The following SDK2 variants were observed in gnomAD, a reference collection of about 807,000 sequenced individuals.
The protein encoded by SDK2 is protein sidekick-2.
SDK2 carries 105 observed loss-of-function variants against 253.9 expected under a neutral mutation model. The observed-to-expected ratio is 0.41, with a 90% CI of 0.35 to 0.49. The LOEUF is 0.49. Among genes scored for constraint, SDK2 ranks in the 20% least tolerant of loss-of-function variants. The pLI is 0.06. For synonymous variants in SDK2, 1,249 were observed against 1,234.9 expected (o/e 1.01, Z -0.24); for missense variants, 2,608 against 3,003.0 (o/e 0.87, Z 3.07).
chr17:73,380,717 C>T (rs759165181), intron 34 of SDK2, among the ~76,000 whole-genome samples, 177 bp downstream of exon 34: 4 of 152,230 alleles, frequency 2.6e-5, no homozygotes, highest in African/African-American at 7.2e-5. Context: ...TCCCTGTCAT[C>T]GGCCTACTTT....
At chr17:73,594,314 C>T (rs1010512773) in intron 1 of SDK2, among the ~76,000 whole-genome samples, 13 of 152,108 alleles carry the variant, frequency 8.5e-5, no homozygotes, top group African/African-American at 3.1e-4. Flanking sequence ...CAGCTGAGGG[C>T]CTGAGTCTCA....
intron 1 of SDK2, among the ~76,000 whole-genome samples, chr17:73,572,718 A>T (rs2045404377): frequency 6.6e-6 from 1 of 152,172 alleles, no homozygotes; most frequent in South Asian, 2.1e-4. Context: ...GAATGGTCTA[A>T]GCATATGATG....
intron 36 of SDK2, among the ~76,000 whole-genome samples, chr17:73,368,931 G>A (rs1264359229): frequency 1.3e-5 from 2 of 151,310 alleles, no homozygotes; most frequent in African/African-American, 4.9e-5. Flanking sequence ...AAAATCACTT[G>A]AACCTGGGAG....
chr17:73,505,723 C>T lies in SDK2; in HGVS notation c.224+1715G>A, dbSNP rs146105928. 3.1e-3 allele frequency among the ~76,000 whole-genome samples: 471 copies of T among 150,468 alleles called. 8 individuals carry two copies. Among genetic ancestry groups the T allele is most frequent in the African/African-American group, 0.011 (443 of 40,554 alleles). On this transcript the variant is annotated intron_variant, in intron 2 of 44. Coordinates refer to ENST00000392650, the MANE Select transcript of SDK2 (RefSeq NM_001144952.2). The stretch of plus-strand genomic sequence containing the variant: ...ATCATCAATAGCTGGACCTCATCAT[C>T]GTCAATAGCTGGACCTCATCAGCAT...
intron 14 of SDK2, among the ~76,000 whole-genome samples, 185 bp downstream of exon 14, chr17:73,423,201 G>A (rs1401469520): frequency 6.6e-6 from 1 of 152,206 alleles, no homozygotes; most frequent in African/African-American, 2.4e-5. Context: ...TCTTTCAACT[G>A]TAACAGGGCC....
intron 18 of SDK2, among the ~76,000 whole-genome samples, chr17:73,403,078 C>T (rs1599529837): frequency 6.6e-6 from 1 of 152,198 alleles, no homozygotes; most frequent in Non-Finnish European, 1.5e-5. Context: ...GGATTACAGG[C>T]ATGAGCCGCT....
intron 1 of SDK2, among the ~76,000 whole-genome samples, chr17:73,526,326 C>A (rs1381582114): frequency 6.6e-6 from 1 of 152,196 alleles, no homozygotes; most frequent in Non-Finnish European, 1.5e-5. Flanking sequence ...GTGAGATGAA[C>A]TCTGATTCAA....
At chr17:73,523,865 A>G (rs796343826) in intron 1 of SDK2, among the ~76,000 whole-genome samples, 8 of 151,906 alleles carry the variant, frequency 5.3e-5, no homozygotes, top group African/African-American at 1.9e-4. Context: ...CCCCTCTTGT[A>G]TGCTCACATG....
chr17:73,351,474 G>C (rs1200389069), intron 41 of SDK2, among the ~76,000 whole-genome samples: 2 of 152,054 alleles, frequency 1.3e-5, no homozygotes, highest in Non-Finnish European at 2.9e-5. Flanking sequence ...AAATCTGTGT[G>C]GGGAAAGGTG....
At chr17:73,432,846 A>C (rs1433905307) in intron 10 of SDK2, among the ~76,000 whole-genome samples, 1 of 149,796 alleles carries the variant, frequency 6.7e-6, no homozygotes, top group Non-Finnish European at 1.5e-5. Context: ...ATGTGTGTGC[A>C]TGTGTGTGCA....
In SDK2 at chr17:73,643,514, G is replaced by A. The variant is rs1211933966; in HGVS notation, c.64+511C>T. ...CGGGCTCCCGTACGTGGCCAAGCCG[G>A]GCAATTGCTCTCCCCGGGCGAGCAA... On this transcript the variant is annotated intron_variant, in intron 1 of 44. Transcript: ENST00000392650. The surrounding 1 kb of genome is among the most constrained non-coding windows in gnomAD (Gnocchi z 6.9). Among the ~76,000 whole-genome samples, 1 of 152,104 alleles carries A rather than the reference G, an allele frequency of 6.6e-6. No homozygotes were observed. The highest frequency in any genetic ancestry group is 1.9e-4 in the East Asian group (1 of 5,138).
chr17:73,644,013 G>A lies in SDK2; in HGVS notation c.64+12C>T, dbSNP rs991283647. The A allele has an allele frequency of 2.6e-6, 4 of 1,546,892 alleles. No individual in the cohort carries two copies. In the Admixed American group the frequency reaches 7.9e-5, roughly 30 times the overall value. ...GCCCCCTCCCTGTCCCCACGTGGGG[G>A]TCCCTCCTTACCTTGGGCTCTGGCC... is the stretch of plus-strand genomic sequence containing the variant. On this transcript the variant is annotated intron_variant, in intron 1 of 44. Transcript: ENST00000392650. The surrounding 1 kb of genome is among the most constrained non-coding windows in gnomAD (Gnocchi z 6.3).
At chr17:73,532,452 G>A (rs2064177030) in intron 1 of SDK2, among the ~76,000 whole-genome samples, 1 of 152,122 alleles carries the variant, frequency 6.6e-6, no homozygotes, top group Non-Finnish European at 1.5e-5. Context: ...CGAAGAAAAG[G>A]TGCCAGCTGC....
chr17:73,610,854 T>C (rs959908024), intron 1 of SDK2, among the ~76,000 whole-genome samples: 1 of 152,160 alleles, frequency 6.6e-6, no homozygotes, highest in African/African-American at 2.4e-5. Flanking sequence ...TGTGTGTGTG[T>C]GTGTGTATGA....
At chr17:73,368,710 G>T in intron 36 of SDK2, 117 bp from the exon 37 acceptor site, 1 of 936,550 alleles carries the variant, frequency 1.1e-6, no homozygotes, top group Non-Finnish European at 1.5e-6. Context: ...CTGGGAAACA[G>T]CGGAGAAGTC....
Position 73,335,585 on chromosome 17 carries a change from G to A in SDK2, c.*3002C>T, listed in dbSNP as rs1454618891. The A allele has an allele frequency of 6.6e-6, 1 of 152,278 alleles. No individual in the cohort carries two copies. The highest frequency in any genetic ancestry group is 1.5e-5 in the Non-Finnish European group (1 of 68,084). The allele number at this position is 152,278 out of a possible 1,614,324, so 9.4% of individuals were successfully genotyped here. ...AAAAATCTAGAGTTCCACAGCTGCA[G>A]GCCTGGGCTTCCAGCTGTGGCTGGG... On this transcript the variant is annotated 3_prime_UTR_variant, in exon 45 of 45. Coordinates refer to ENST00000392650, the MANE Select transcript of SDK2 (RefSeq NM_001144952.2).
At chr17:73,504,471 A>T (rs2063918729) in intron 2 of SDK2, 1 of 151,768 alleles carries the variant, frequency 6.6e-6, no homozygotes, top group African/African-American at 2.4e-5. Context: ...ACTAAAAAAA[A>T]AATACGAAAA....
intron 1 of SDK2, among the ~76,000 whole-genome samples, chr17:73,614,611 G>A (rs1599727510): frequency 1.5e-5 from 1 of 68,180 alleles, no homozygotes; most frequent in Non-Finnish European, 2.7e-5. Flanking sequence ...AAAAGGCGGA[G>A]GGAGGGAGGA....
chr17:73,507,608 A>G lies in SDK2; in HGVS notation c.65-11T>C. On this transcript the variant is annotated splice_polypyrimidine_tract_variant and intron_variant, in intron 1 of 44. Transcript: ENST00000392650. ...ACGGGGACACATCATCTGCAGAAAC[A>G]GGGAGACAAAGCCACCAGTGATCAC... 6.5e-7 allele frequency: 1 copy of G among 1,549,804 alleles called. No individual in the cohort carries two copies. The highest frequency in any genetic ancestry group is 1.7e-4 in the Middle Eastern group (1 of 5,974).
Sources: allele counts gnomAD v4.1 joint callset (sites outside exome capture counted in the v4.1 genomes callset), GRCh38; gene constraint gnomAD v4.1.1; non-coding constraint Gnocchi (gnomAD v3.1); transcripts MANE v1.5; gene names NCBI Gene and HGNC (gene_info 2026-07-23, HGNC 2026-07-21).